Variants in B3GNT6 observed in about 807,000 individuals in gnomAD.
The protein encoded by B3GNT6 is UDP-GlcNAc:betaGal beta-1,3-N-acetylglucosaminyltransferase 6, also known as acetylgalactosaminyl-O-glycosyl-glycoprotein beta-1,3-N-acetylglucosaminyltransferase.
For synonymous variants in B3GNT6, 300 were observed against 270.0 expected, an observed-to-expected ratio of 1.11 and a Z score of -1.09; for missense variants, 624 against 568.6, an observed-to-expected ratio of 1.10 and a Z score of -0.99.
At chr11:77,038,012 ATATGG>A (rs1949648334) in intron 1 of B3GNT6, among the ~76,000 whole-genome samples, 2 of 1,660 alleles carry the variant, frequency 1.2e-3, no homozygotes, top group Non-Finnish European at 1.1e-3. Context: ...GAGGAGGGGG[ATATGG>A]GAGGAGGGGG....
At position 77,040,594 on chromosome 11, in the gene B3GNT6, T is replaced by C. The variant is rs1555027849; in HGVS notation, c.1043T>C (p.Met348Thr). The stretch of plus-strand genomic sequence containing the variant: ...CAGCAGTCCTCCTTCGACCCCTGCA[T>C]GTACCGCGAGTTGCTGCTAGTGCAC... ...GAQQSSFDPCMYRELLLVHRF... is the reference protein window; with the variant it reads ...GAQQSSFDPCTYRELLLVHRF... Residue 348 changes from methionine to threonine, a missense_variant, in exon 2 of 2, where the codon ATG becomes ACG. Met to Thr is a moderately conservative substitution (Grantham distance 81). Coordinates refer to ENST00000622824, the MANE Select transcript of B3GNT6 (RefSeq NM_138706.5). The C allele has an allele frequency of 6.3e-7, 1 of 1,595,582 alleles. No individual in the cohort carries two copies. Among genetic ancestry groups the C allele is most frequent in the Admixed American group, 1.7e-5 (1 of 59,432 alleles).
rs782307701 is a variant in B3GNT6, at chr11:77,040,652, G to T, written c.1101G>T (p.Trp367Cys). ...RFAPYEMLLMWKALHSPALSC... is the reference protein window; with the variant it reads ...RFAPYEMLLMCKALHSPALSC... ...CGCCCTACGAGATGCTGCTCATGTG[G>T]AAGGCGCTGCACAGCCCCGCGCTCA... Residue 367 changes from tryptophan to cysteine, a missense_variant, in exon 2 of 2, where the codon TGG (tryptophan) becomes TGT (cysteine). Coordinates refer to ENST00000622824, the MANE Select transcript of B3GNT6 (RefSeq NM_138706.5). 3 of 1,601,104 alleles carry T rather than the reference G, an allele frequency of 1.9e-6. No individual in the cohort carries two copies. In the Admixed American group the frequency reaches 5.0e-5, roughly 27 times the overall value.
intron 1 of B3GNT6, among the ~76,000 whole-genome samples, chr11:77,037,512 T>C (rs1245381970): frequency 6.6e-6 from 1 of 152,064 alleles, no homozygotes; most frequent in Non-Finnish European, 1.5e-5. Context: ...TGGATGGACA[T>C]GTGGCTCTGG....
chr11:77,035,226 A>G (rs1329706465), intron 1 of B3GNT6, among the ~76,000 whole-genome samples: 1 of 152,236 alleles, frequency 6.6e-6, no homozygotes, highest in Non-Finnish European at 1.5e-5. Flanking sequence ...GCCTGCAGTT[A>G]GAGGATCACA....
intron 1 of B3GNT6, chr11:77,037,155 G>A (rs11237061): frequency 0.25 from 38,385 of 152,134 alleles, 4,930 homozygotes; most frequent in East Asian, 0.38. Context: ...ATAAATCTAC[G>A]TAATTCAAAG....
In B3GNT6 at chr11:77,041,640, G is replaced by C. The variant is rs1440848390; in HGVS notation, c.*934G>C. On this transcript the variant is annotated 3_prime_UTR_variant, in exon 2 of 2. Coordinates refer to ENST00000622824, the MANE Select transcript of B3GNT6 (RefSeq NM_138706.5). ...GTAGAATTGTGTTCGGGAGGTGGGG[G>C]ATCTGAGACCGAAGTGGACAGTGGT... The C allele has an allele frequency of 6.6e-6, 1 of 152,452 alleles. No homozygotes were observed. The highest frequency in any genetic ancestry group is 2.4e-5 in the African/African-American group (1 of 41,440). 9.4% of individuals were successfully genotyped at this position (152,452 alleles called of 1,614,324 possible). A position where few individuals can be genotyped will look rare whatever the true frequency, so the allele number is the denominator to read the frequency against.
intron 1 of B3GNT6, among the ~76,000 whole-genome samples, chr11:77,035,898 T>C (rs1374748218): frequency 6.6e-6 from 1 of 152,226 alleles, no homozygotes; most frequent in East Asian, 1.9e-4. Flanking sequence ...ACAAGATTTA[T>C]TGTTACATTA....
chr11:77,040,212 G>T lies in B3GNT6; in HGVS notation c.661G>T (p.Gly221Cys). The stretch of plus-strand genomic sequence containing the variant: ...CCCGCACGCGCGCTTTCTGCTCAGC[G>T]GCGACGACGACGTGTTCGTGCACAC... ...RCPHARFLLS[G>C]DDDVFVHTAN... The change falls in exon 2 of 2, where the codon GGC (glycine) becomes TGC (cysteine). Residue 221 changes from glycine (G) to cysteine (C), a missense_variant. By Grantham distance (159) the Gly-to-Cys change is radical. Coordinates refer to ENST00000622824, the MANE Select transcript of B3GNT6 (RefSeq NM_138706.5). The T allele has an allele frequency of 6.3e-7, 1 of 1,599,182 alleles. No homozygotes were observed.
intron 1 of B3GNT6, among the ~76,000 whole-genome samples, chr11:77,035,291 G>T (rs61902065): frequency 9.9e-5 from 15 of 152,192 alleles, no homozygotes; most frequent in Non-Finnish European, 2.2e-4. Context: ...GTGTGAGAAG[G>T]CTAGACTTCA....
In B3GNT6 at chr11:77,040,918, A is replaced by T. The variant is rs1949682629; in HGVS notation, c.*212A>T. ...TTTGATTAGTCTGGGGTGGACCCAG[A>T]CATGTTAAGTATTTTTTAAGTTCCT... is the stretch of plus-strand genomic sequence containing the variant. On this transcript the variant is annotated 3_prime_UTR_variant, in exon 2 of 2. Transcript: ENST00000622824. 4 of 729,910 alleles carry T rather than the reference A, an allele frequency of 5.5e-6. No individual in the cohort carries two copies. Among genetic ancestry groups the T allele is most frequent in the Non-Finnish European group, 8.0e-6 (4 of 499,408 alleles). The allele number at this position is 729,910 out of a possible 1,614,324, so 45.2% of individuals were successfully genotyped here.
Position 77,040,806 on chromosome 11 carries a change from A to G in B3GNT6, c.*100A>G. On this transcript the variant is annotated 3_prime_UTR_variant, in exon 2 of 2. Transcript: ENST00000622824. ...CCTTACGTCCTGCCCAGCTCTGTGC[A>G]CCTGAACCCCAGCTGCGCACTGAAA... 7.1e-7 allele frequency: 1 copy of G among 1,413,196 alleles called. No homozygotes were observed. Among genetic ancestry groups the G allele is most frequent in the Non-Finnish European group, 9.2e-7 (1 of 1,087,886 alleles). 87.5% of individuals were successfully genotyped at this position (1,413,196 alleles called of 1,614,324 possible).
At position 77,040,736 on chromosome 11, in the gene B3GNT6, T is replaced by A. The variant is rs782466210; in HGVS notation, c.*30T>A. 33 of 1,528,704 alleles carry A rather than the reference T, an allele frequency of 2.2e-5. No individual in the cohort carries two copies. The highest frequency in any genetic ancestry group is 2.8e-5 in the African/African-American group (2 of 72,448). 94.7% of individuals were successfully genotyped at this position (1,528,704 alleles called of 1,614,324 possible). A position where few individuals can be genotyped will look rare whatever the true frequency, so the allele number is the denominator to read the frequency against. ...AGTTGGGCGGCTTCAGCCCCGGGCC[T>A]CCAACCATGTCCATGCTGAGAAGGC... On this transcript the variant is annotated 3_prime_UTR_variant, in exon 2 of 2. Transcript: ENST00000622824.
intron 1 of B3GNT6, 111 bp from the exon 2 acceptor site, chr11:77,039,441 T>C (rs1949663822): frequency 2.0e-6 from 3 of 1,488,992 alleles, no homozygotes; most frequent in Non-Finnish European, 2.7e-6. Flanking sequence ...AACAGCAGAG[T>C]TGAGAAGGGG....
At position 77,040,842 on chromosome 11, in the gene B3GNT6, T is replaced by TTCA; in HGVS notation, c.*136_*137insTCA. ...AGCTGCGCACTGAAATCAGCTGGGG[T>TTCA]GGGGGGTGTGGAAAATGCCTACATC... On this transcript the variant is annotated 3_prime_UTR_variant, in exon 2 of 2. Transcript: ENST00000622824. The TTCA allele has an allele frequency of 7.4e-7, 1 of 1,349,276 alleles. No homozygotes were observed. The allele number at this position is 1,349,276 out of a possible 1,614,324, so 83.6% of individuals were successfully genotyped here.
At position 77,041,050 on chromosome 11, in the gene B3GNT6, T is replaced by G; in HGVS notation, c.*344T>G. The G allele has an allele frequency of 1.3e-4, 35 of 261,884 alleles. No individual in the cohort carries two copies. The highest frequency in any genetic ancestry group is 3.8e-4 in the East Asian group (5 of 13,238). 16.2% of individuals were successfully genotyped at this position (261,884 alleles called of 1,614,324 possible). On this transcript the variant is annotated 3_prime_UTR_variant, in exon 2 of 2. Transcript: ENST00000622824. Reference sequence around the variant, plus strand: ...CCTCTCTGCAAGAATTCCGGGCCCCTCGCTCCCACACTCGGGTCCTCTTGA... The same window carrying G: ...CCTCTCTGCAAGAATTCCGGGCCCCGCGCTCCCACACTCGGGTCCTCTTGA...
intron 1 of B3GNT6, 102 bp from the exon 2 acceptor site, chr11:77,039,450 G>A (rs1005806934): frequency 6.7e-7 from 1 of 1,496,756 alleles, no homozygotes; most frequent in African/African-American, 1.4e-5. Context: ...GTTGAGAAGG[G>A]GCTGGAGCTG....
rs782780623 is a variant in B3GNT6, at chr11:77,039,902, G to A, written c.351G>A (p.Val117=). 1.4e-5 allele frequency: 23 copies of A among 1,592,116 alleles called. No homozygotes were observed. The highest frequency in any genetic ancestry group is 2.0e-5 in the Non-Finnish European group (23 of 1,176,744). Residue 117 remains valine (V), a synonymous_variant, in exon 2 of 2, where the codon GTG becomes GTA. Coordinates refer to ENST00000622824, the MANE Select transcript of B3GNT6 (RefSeq NM_138706.5). ...APAKCAGGRG[V]FLLLAVKSAP... ...CCAAGTGCGCCGGCGGCCGAGGCGTGTTCCTGCTCCTGGCGGTGAAGTCGG... is the reference window on the plus strand; with the variant it reads ...CCAAGTGCGCCGGCGGCCGAGGCGTATTCCTGCTCCTGGCGGTGAAGTCGG...
chr11:77,039,009 C>T (rs558172180), intron 1 of B3GNT6, among the ~76,000 whole-genome samples: 1 of 152,242 alleles, frequency 6.6e-6, no homozygotes, highest in South Asian at 2.1e-4. Context: ...TGGCAGAATT[C>T]GGCTCTGGGT....
chr11:77,038,117 GATAGA>G (rs2135376717), intron 1 of B3GNT6, among the ~76,000 whole-genome samples: 1 of 59,558 alleles, frequency 1.7e-5, no homozygotes, highest in Non-Finnish European at 3.2e-5. Context: ...GAGAAGGGAG[GATAGA>G]GGAGGGAGGA....
Sources: gnomAD v4.1 joint callset for allele counts (sites outside exome capture counted in the v4.1 genomes callset) on GRCh38, gnomAD v4.1.1 for gene constraint, MANE v1.5 for transcripts, NCBI Gene and HGNC (gene_info 2026-07-23, HGNC 2026-07-21) for gene names.